TNFAIP6: variants seen among roughly 807,000 people sequenced by gnomAD.
TNFAIP6 encodes TNF alpha induced protein 6.
In TNFAIP6, 36 loss-of-function variants were observed where a neutral mutation model predicts 33.7. The ratio of observed to expected loss-of-function variants is 1.07; its 90% confidence interval spans 0.82 to 1.41. The LOEUF (loss-of-function observed/expected upper bound fraction) is 1.41. Among genes scored for constraint, TNFAIP6 ranks in the 40% most tolerant of loss-of-function variants. TNFAIP6 has a pLI of 0.00. For missense variants in TNFAIP6, 273 were observed against 331.9 expected, an observed-to-expected ratio of 0.82 and a Z score of 1.38; for synonymous variants, 113 against 112.8, an observed-to-expected ratio of 1.00 and a Z score of -0.01.
chr2:151,381,042 C>T (rs1285486793), downstream of TNFAIP6, among the ~76,000 whole-genome samples: 3 of 151,916 alleles, frequency 2.0e-5, 1 homozygote, highest in African/African-American at 7.3e-5. Context: ...CAGACGATAC[C>T]CTAAAGTATG....
At chr2:151,375,850 T>C (rs1684898083) in intron 5 of TNFAIP6, among the ~76,000 whole-genome samples, 1 of 152,232 alleles carries the variant, frequency 6.6e-6, no homozygotes, top group East Asian at 1.9e-4. Context: ...TGGTAGCTCG[T>C]GCCTATAATC....
At chr2:151,373,702 G>T in intron 5 of TNFAIP6, 113 bp downstream of exon 5, 13 of 451,884 alleles carry the variant, frequency 2.9e-5, no homozygotes, top group Non-Finnish European at 4.1e-5. Context: ...TTTTAAAGTT[G>T]AAAGAACCAA....
At chr2:151,357,807 T>C in intron 1 of TNFAIP6, 47 bp downstream of exon 1, 1 of 1,212,306 alleles carries the variant, frequency 8.2e-7, no homozygotes, top group Non-Finnish European at 1.2e-6. Flanking sequence ...GTCAATTCTT[T>C]AAATCATGGA....
In TNFAIP6 at chr2:151,379,345, G is replaced by A. The variant is rs376529447; in HGVS notation, c.665-19G>A. The A allele has an allele frequency of 3.2e-6, 5 of 1,572,872 alleles. 1 individual carries two copies. Among genetic ancestry groups the A allele is most frequent in the South Asian group, 2.4e-5 (2 of 84,160 alleles). The stretch of plus-strand genomic sequence containing the variant: ...AGGAGAGTAACATCTTTGTTCTTTT[G>A]CCTCCTTCCCCGCAACAGGAAATGT... On this transcript the variant is annotated intron_variant, in intron 5 of 5. Transcript: ENST00000243347.
chr2:151,365,238 A>C (rs1174778414), intron 2 of TNFAIP6, among the ~76,000 whole-genome samples: 3 of 152,032 alleles, frequency 2.0e-5, no homozygotes, highest in African/African-American at 7.3e-5. Flanking sequence ...AGCTACTCTA[A>C]AGACTGAGGT....
At chr2:151,365,810 C>G (rs1684698924) in intron 2 of TNFAIP6, among the ~76,000 whole-genome samples, 1 of 151,968 alleles carries the variant, frequency 6.6e-6, no homozygotes, top group Admixed American at 6.6e-5. Context: ...GTTTCATACC[C>G]ACAATAATTT....
chr2:151,378,768 C>T (rs1439512052), intron 5 of TNFAIP6, among the ~76,000 whole-genome samples: 1 of 151,562 alleles, frequency 6.6e-6, no homozygotes, highest in East Asian at 2.0e-4. Context: ...GGATTACAGG[C>T]GTGACCCACC....
Position 151,379,345 on chromosome 2 carries a change from G to T in TNFAIP6, c.665-19G>T, listed in dbSNP as rs376529447. 1.7e-4 allele frequency: 272 copies of T among 1,572,990 alleles called. 2 individuals are homozygous for T. The Middle Eastern group carries it at 7.3e-3, about 42-fold the overall frequency. ...AGGAGAGTAACATCTTTGTTCTTTT[G>T]CCTCCTTCCCCGCAACAGGAAATGT... On this transcript the variant is annotated intron_variant, in intron 5 of 5. Coordinates refer to ENST00000243347, the MANE Select transcript of TNFAIP6 (RefSeq NM_007115.4).
chr2:151,366,354 T>C (rs568524665), intron 3 of TNFAIP6, 137 bp downstream of exon 3: 79 of 735,186 alleles, frequency 1.1e-4, no homozygotes, highest in Admixed American at 2.2e-4. Context: ...CTACAATTCA[T>C]AAAGTGCTTA....
At chr2:151,374,334 T>C (rs1432998966) in intron 5 of TNFAIP6, among the ~76,000 whole-genome samples, 5 of 152,226 alleles carry the variant, frequency 3.3e-5, no homozygotes. Flanking sequence ...CACTCTTTAA[T>C]TTATCCCATA....
chr2:151,378,677 C>T (rs1005469909), intron 5 of TNFAIP6, among the ~76,000 whole-genome samples: 8 of 151,648 alleles, frequency 5.3e-5, no homozygotes, highest in South Asian at 4.2e-4. Flanking sequence ...TTAATAGAGA[C>T]GGGGATTCAC....
rs559526992 is a variant in TNFAIP6, at chr2:151,370,266, T to C, written c.623+18T>C. 3.2e-6 allele frequency: 5 copies of C among 1,569,290 alleles called. No individual in the cohort carries two copies. In the African/African-American group the frequency reaches 5.4e-5, roughly 17 times the overall value. ...GTGGGAAGGTACGTATGGGTCCCCA[T>C]ACAGGAAGTTAAATGAACGTCCAGT... On this transcript the variant is annotated intron_variant, in intron 4 of 5. Coordinates refer to ENST00000243347, the MANE Select transcript of TNFAIP6 (RefSeq NM_007115.4).
At position 151,379,662 on chromosome 2, in the gene TNFAIP6, G is replaced by A; in HGVS notation, c.*129G>A. On this transcript the variant is annotated 3_prime_UTR_variant, in exon 6 of 6. Coordinates refer to ENST00000243347, the MANE Select transcript of TNFAIP6 (RefSeq NM_007115.4). ...AATGTGAAAGCAATACATAATTTAG[G>A]GAAAATTGGAAAATATAGGAAACTT... 8 of 678,902 alleles carry A rather than the reference G, an allele frequency of 1.2e-5. No individual in the cohort carries two copies. The highest frequency in any genetic ancestry group is 1.1e-5 in the Non-Finnish European group (5 of 472,316). The allele number at this position is 678,902 out of a possible 1,614,324, so 42.1% of individuals were successfully genotyped here.
chr2:151,376,885 T>C (rs13034286), intron 5 of TNFAIP6, among the ~76,000 whole-genome samples: 1 of 132,270 alleles, frequency 7.6e-6, no homozygotes, highest in African/African-American at 2.7e-5. Flanking sequence ...TTTTTTTTTT[T>C]GTTTTTTTTG....
intron 1 of TNFAIP6, among the ~76,000 whole-genome samples, chr2:151,360,343 C>A (rs188492948): frequency 6.6e-6 from 1 of 152,184 alleles, no homozygotes; most frequent in African/African-American, 2.4e-5. Context: ...TCTTGAGTTC[C>A]TTCTATGGTC....
Position 151,370,015 on chromosome 2 carries a change from T to G in TNFAIP6, c.395-5T>G, listed in dbSNP as rs1684786818. On this transcript the variant is annotated splice_polypyrimidine_tract_variant and splice_region_variant and intron_variant, in intron 3 of 5. Transcript: ENST00000243347. ...GTTTTTACGTTTTTTTTCTTCTCAT[T>G]TCAGCAAAGGAGTGTGGTGGCGTCT... is the stretch of plus-strand genomic sequence containing the variant. 6 of 1,593,664 alleles carry G rather than the reference T, an allele frequency of 3.8e-6. No homozygotes were observed. The highest frequency in any genetic ancestry group is 5.1e-6 in the Non-Finnish European group (6 of 1,171,062).
intron 4 of TNFAIP6, 65 bp downstream of exon 4, chr2:151,370,313 AT>A: frequency 8.4e-7 from 1 of 1,191,730 alleles, no homozygotes; most frequent in Non-Finnish European, 1.2e-6. Flanking sequence ...TGCTTCTTTA[AT>A]TTTCCCTCAA....
At chr2:151,365,743 G>A (rs1004993109) in intron 2 of TNFAIP6, among the ~76,000 whole-genome samples, 7 of 152,144 alleles carry the variant, frequency 4.6e-5, no homozygotes, top group African/African-American at 1.7e-4. Flanking sequence ...TTCAGAAATT[G>A]TCTCATGGCA....
intron 5 of TNFAIP6, among the ~76,000 whole-genome samples, chr2:151,377,244 A>G (rs1684929158): frequency 6.6e-6 from 1 of 150,900 alleles, no homozygotes; most frequent in Non-Finnish European, 1.5e-5. Context: ...ATCTCGGCTC[A>G]CTGCAAGCTC....
Sources: gnomAD v4.1 joint callset for allele counts (sites outside exome capture counted in the v4.1 genomes callset) on GRCh38, gnomAD v4.1.1 for gene constraint, MANE v1.5 for transcripts, NCBI Gene and HGNC (gene_info 2026-07-23, HGNC 2026-07-21) for gene names.